PSG4: variants seen among roughly 807,000 people sequenced by gnomAD.
PSG4 encodes pregnancy specific beta-1-glycoprotein 4.
A neutral mutation model predicts 44.3 loss-of-function variants in PSG4; 61 were observed. That is an observed-to-expected ratio of 1.38 (90% CI 1.12 to 1.70). The LOEUF (loss-of-function observed/expected upper bound fraction) is 1.70, where lower values mean the gene tolerates loss of function less well. Ranked by LOEUF, PSG4 falls within the 40% of genes most tolerant of loss-of-function variation. PSG4 has a pLI of 0.00. For missense variants in PSG4, 677 were observed against 511.7 expected (o/e 1.32, Z -3.12); for synonymous variants, 248 against 191.3 (o/e 1.30, Z -2.45).
At position 43,204,780 on chromosome 19, in the gene PSG4, C is replaced by G. The variant is rs1406483925; in HGVS notation, c.65-529G>C. On this transcript the variant is annotated intron_variant, in intron 1 of 5. Transcript: ENST00000405312. Reference sequence around the variant, plus strand: ...CCCAGTACCTGGAACAGGCGGCAGACTCCTGTAGATGTGAGAGTTCTCAGG... The same window carrying G: ...CCCAGTACCTGGAACAGGCGGCAGAGTCCTGTAGATGTGAGAGTTCTCAGG... 1.5e-5 allele frequency: 6 copies of G among 400,602 alleles called. No individual in the cohort carries two copies. In the Admixed American group the frequency reaches 1.8e-4, roughly 12 times the overall value. 24.8% of individuals were successfully genotyped at this position (400,602 alleles called of 1,614,324 possible). A position where few individuals can be genotyped will look rare whatever the true frequency, so the allele number is the denominator to read the frequency against.
At position 43,200,663 on chromosome 19, in the gene PSG4, C is replaced by A. The variant is rs190190908; in HGVS notation, c.431-2388G>T. ...TGATCTCAGCTCACTGCAAGCTCCA[C>A]CTCCTGGGTTCATGCCATTCTCCTG... is the stretch of plus-strand genomic sequence containing the variant. On this transcript the variant is annotated intron_variant, in intron 2 of 5. Coordinates refer to ENST00000405312, the MANE Select transcript of PSG4 (RefSeq NM_002780.5). Among the ~76,000 whole-genome samples the A allele has an allele frequency of 1.6e-4, 24 of 145,484 alleles. 5 individuals carry two copies. The Middle Eastern group carries it at 0.01, about 64-fold the overall frequency.
At chr19:43,194,657 C>G in intron 4 of PSG4, 63 bp from the exon 5 acceptor site, 1 of 1,558,972 alleles carries the variant, frequency 6.4e-7, no homozygotes, top group Non-Finnish European at 8.7e-7. Flanking sequence ...TTCCTGGTCT[C>G]TTAAAGGGAC....
Position 43,193,199 on chromosome 19 carries a change from A to G in PSG4, c.*173T>C. 1 of 758,438 alleles carries G rather than the reference A, an allele frequency of 1.3e-6. No homozygotes were observed. The highest frequency in any genetic ancestry group is 1.4e-5 in the South Asian group (1 of 73,974). The allele number at this position is 758,438 out of a possible 1,614,324, so 47.0% of individuals were successfully genotyped here. On this transcript the variant is annotated 3_prime_UTR_variant, in exon 6 of 6. Coordinates refer to ENST00000405312, the MANE Select transcript of PSG4 (RefSeq NM_002780.5). ...GTTTACAGTTTGAGTAGCTGTTGTT[A>G]TGGTGTCGAACATTTTGGTGAGTTC...
At position 43,194,455 on chromosome 19, in the gene PSG4, T is replaced by C; in HGVS notation, c.1128A>G (p.Gly376=). 6.2e-7 allele frequency: 1 copy of C among 1,612,460 alleles called. No homozygotes were observed. Among genetic ancestry groups the C allele is most frequent in the Non-Finnish European group, 8.5e-7 (1 of 1,179,112 alleles). The part of the protein sequence containing the change: ...WTINGKFQLS[G]QKLSIPQITT... ...TTATTTGGGGGATAGAGAGCTTTTGTCCTGATAGCTGAAACTTCCCATTAA... is the reference window on the plus strand; with the variant it reads ...TTATTTGGGGGATAGAGAGCTTTTGCCCTGATAGCTGAAACTTCCCATTAA... Residue 376 remains glycine, a synonymous_variant, in exon 5 of 6, where the codon GGA becomes GGG. Coordinates refer to ENST00000405312, the MANE Select transcript of PSG4 (RefSeq NM_002780.5).
chr19:43,201,395 C>G (rs1413393791), intron 2 of PSG4, among the ~76,000 whole-genome samples: 1 of 145,496 alleles, frequency 6.9e-6, no homozygotes, highest in East Asian at 2.3e-4. Flanking sequence ...CCTGACTGCT[C>G]CAGTGTCATT....
chr19:43,194,573 A>G lies in PSG4; in HGVS notation c.1010T>C (p.Ile337Thr), dbSNP rs761853809. 3.8e-5 allele frequency: 61 copies of G among 1,611,992 alleles called. 1 individual carries two copies. The South Asian group carries it at 6.4e-4, about 17-fold the overall frequency. Residue 337 changes from isoleucine (I) to threonine (T), a missense_variant, in exon 5 of 6, where the codon ATT (isoleucine) becomes ACT (threonine). Coordinates refer to ENST00000405312, the MANE Select transcript of PSG4 (RefSeq NM_002780.5). ...NVLYGPDLPS[I>T]YPSFTYYRSG... The stretch of plus-strand genomic sequence containing the variant: ...ACGGTAATAGGTGAATGAAGGGTAA[A>G]TGCTGGGGAGGTCTGGACCATCTGG...
In PSG4 at chr19:43,199,774, G is replaced by A. The variant is rs886218627; in HGVS notation, c.431-1499C>T. On this transcript the variant is annotated intron_variant, in intron 2 of 5. Transcript: ENST00000405312. Reference sequence around the variant, plus strand: ...GTTTTCATAAGTGGAAACTTTTACTGATGATCCAGACATCGAAGATCAATT... The same window carrying A: ...GTTTTCATAAGTGGAAACTTTTACTAATGATCCAGACATCGAAGATCAATT... Among the ~76,000 whole-genome samples, 22 of 145,920 alleles carry A rather than the reference G, an allele frequency of 1.5e-4. 5 individuals carry two copies. The highest frequency in any genetic ancestry group is 5.8e-4 in the African/African-American group (22 of 38,224).
Position 43,195,010 on chromosome 19 carries a change from T to A in PSG4, c.973A>T (p.Thr325Ser), listed in dbSNP as rs1193364860. 1.2e-6 allele frequency: 2 copies of A among 1,611,764 alleles called. No individual in the cohort carries two copies. The highest frequency in any genetic ancestry group is 1.7e-6 in the Non-Finnish European group (2 of 1,178,886). Residue 325 changes from threonine to serine, a missense_variant, in exon 4 of 6, where the codon ACC becomes TCC. Thr to Ser is a moderately conservative substitution (Grantham distance 58, BLOSUM62 1). Transcript: ENST00000405312. ...RYGGIRSDPV[T>S]LNVLYGPDLP... ...AGATACTCACAGAGGACATTCAGGG[T>A]GACTGGGTCACTGCGGATGCCACCA...
Position 43,205,609 on chromosome 19 carries a change from C to A in PSG4, c.-73G>T, listed in dbSNP as rs893339370. On this transcript the variant is annotated 5_prime_UTR_variant, in exon 1 of 6. Transcript: ENST00000405312. ...CCAGAAGCTTCCTGAGTACGGCTGT[C>A]AGCTGTGCTGTCCTTCCTCCTTCTG... 9.1e-6 allele frequency: 13 copies of A among 1,421,710 alleles called. No individual in the cohort carries two copies. The highest frequency in any genetic ancestry group is 1.2e-5 in the South Asian group (1 of 80,014). The allele number at this position is 1,421,710 out of a possible 1,614,324, so 88.1% of individuals were successfully genotyped here.
Position 43,199,487 on chromosome 19 carries a change from G to T in PSG4, c.431-1212C>A, listed in dbSNP as rs1398480658. Among the ~76,000 whole-genome samples, 3 of 145,272 alleles carry T rather than the reference G, an allele frequency of 2.1e-5. 1 individual carries two copies. Among genetic ancestry groups the T allele is most frequent in the African/African-American group, 7.9e-5 (3 of 37,926 alleles). Reference sequence around the variant, plus strand: ...TTCGATTTCTAATTTTTTTATTTTGGAATATTTGCAGTACATGTACTGGTT... The same window carrying T: ...TTCGATTTCTAATTTTTTTATTTTGTAATATTTGCAGTACATGTACTGGTT... On this transcript the variant is annotated intron_variant, in intron 2 of 5. Coordinates refer to ENST00000405312, the MANE Select transcript of PSG4 (RefSeq NM_002780.5).
chr19:43,204,157 TAGA>T lies in PSG4; in HGVS notation c.156_158del (p.Leu54del). 1 of 1,587,254 alleles carries T rather than the reference TAGA, an allele frequency of 6.3e-7. No homozygotes were observed. Among genetic ancestry groups the T allele is most frequent in the South Asian group, 1.1e-5 (1 of 89,916 alleles). On this transcript the variant is annotated inframe_deletion, in exon 2 of 6. Transcript: ENST00000405312. ...GATTCTGGGGCAAATTGTGGACAAG[TAGA>T]AGAACATCCTTCCCCTCAGAAACTT...
intron 3 of PSG4, 81 bp from the exon 4 acceptor site, chr19:43,195,354 C>G (rs1242453289): frequency 6.4e-7 from 1 of 1,556,908 alleles, no homozygotes; most frequent in Non-Finnish European, 8.7e-7. Flanking sequence ...GAGTTGGCAT[C>G]TCCCACCTCT....
intron 3 of PSG4, 107 bp downstream of exon 3, chr19:43,197,890 G>T: frequency 6.3e-7 from 1 of 1,574,828 alleles, no homozygotes; most frequent in Non-Finnish European, 8.6e-7. Flanking sequence ...TGATGTCTAG[G>T]GGTAAAGGTC....
intron 2 of PSG4, among the ~76,000 whole-genome samples, chr19:43,200,379 A>G (rs1967449699): frequency 2.6e-5 from 2 of 77,166 alleles, no homozygotes; most frequent in African/African-American, 1.2e-4. Flanking sequence ...CCACAACTAC[A>G]AAATTTAAAA....
intron 2 of PSG4, chr19:43,203,384 T>A (rs1186514854): frequency 1.9e-5 from 3 of 156,064 alleles, no homozygotes; most frequent in Non-Finnish European, 4.1e-5. Context: ...GACACAGTCC[T>A]CTGACAGCTG....
At chr19:43,194,302 C>G (rs372410768) in intron 5 of PSG4, 38 bp downstream of exon 5, 84 of 1,611,766 alleles carry the variant, frequency 5.2e-5, no homozygotes, top group Non-Finnish European at 5.5e-5. Flanking sequence ...TAGACTCCAC[C>G]TAAATCCCTA....
In PSG4 at chr19:43,202,840, T is replaced by C. The variant is rs1213128885; in HGVS notation, c.430+1046A>G. Among the ~76,000 whole-genome samples the C allele has an allele frequency of 1.4e-5, 2 of 144,584 alleles. 1 individual carries two copies. The highest frequency in any genetic ancestry group is 5.3e-5 in the African/African-American group (2 of 37,438). 94.9% of individuals were successfully genotyped at this position (144,584 alleles called of 152,430 possible). ...CCTAAAAAGAGAGGATTTGAGCCAA[T>C]AAATGACTATGGGGTGCTTGGAACC... is the stretch of plus-strand genomic sequence containing the variant. On this transcript the variant is annotated intron_variant, in intron 2 of 5. Coordinates refer to ENST00000405312, the MANE Select transcript of PSG4 (RefSeq NM_002780.5).
Position 43,195,094 on chromosome 19 carries a change from G to A in PSG4, c.889C>T (p.Leu297=). Residue 297 remains leucine (L), a synonymous_variant, in exon 4 of 6, where the codon CTA becomes TTA. Transcript: ENST00000405312. The part of the protein sequence containing the change: ...KRPIENRILI[L]PNVTRNETGP... ...GTTTCATTTCTCGTGACATTGGGTAGAATGAGGATCCTGTTTTCAATGGGT... is the reference window on the plus strand; with the variant it reads ...GTTTCATTTCTCGTGACATTGGGTAAAATGAGGATCCTGTTTTCAATGGGT... The A allele has an allele frequency of 6.2e-7, 1 of 1,611,020 alleles. No individual in the cohort carries two copies. Among genetic ancestry groups the A allele is most frequent in the Non-Finnish European group, 8.5e-7 (1 of 1,179,050 alleles).
rs1967162666 is a variant in PSG4 at position 43,194,795 on chromosome 19, A to G, written c.988+200T>C. On this transcript the variant is annotated intron_variant, in intron 4 of 5. Coordinates refer to ENST00000405312, the MANE Select transcript of PSG4 (RefSeq NM_002780.5). Reference sequence around the variant, plus strand: ...AGTTTTAGGCCCCAAGTCTCCCATGACAAGAGCGTCCCCTCCCCTTATATT... The same window carrying G: ...AGTTTTAGGCCCCAAGTCTCCCATGGCAAGAGCGTCCCCTCCCCTTATATT... 2.8e-6 allele frequency: 4 copies of G among 1,420,730 alleles called. No homozygotes were observed. The South Asian group carries it at 5.8e-5, about 21-fold the overall frequency. The allele number at this position is 1,420,730 out of a possible 1,614,324, so 88.0% of individuals were successfully genotyped here.
Sources: allele counts gnomAD v4.1 joint callset (sites outside exome capture counted in the v4.1 genomes callset), GRCh38; gene constraint gnomAD v4.1.1; transcripts MANE v1.5; gene names NCBI Gene and HGNC (gene_info 2026-07-23, HGNC 2026-07-21).